Variants in FNBP1 observed in about 807,000 individuals in gnomAD.
The protein encoded by FNBP1 is formin-binding protein 1.
A neutral mutation model predicts 90.6 loss-of-function variants in FNBP1; 26 were observed. The observed-to-expected ratio is 0.29, with a 90% confidence interval of 0.21 to 0.40. FNBP1 has a LOEUF of 0.40. Ranked by LOEUF, FNBP1 falls within the 10% of genes least tolerant of loss-of-function variation. FNBP1 has a pLI of 1.00. For synonymous variants in FNBP1, 260 were observed against 265.2 expected, an observed-to-expected ratio of 0.98 and a Z score of 0.19; for missense variants, 635 against 768.0, an observed-to-expected ratio of 0.83 and a Z score of 2.05.
chr9:129,887,283 CCAGAGA>C lies in FNBP1; in HGVS notation c.*3250_*3255del, dbSNP rs1199650105. 1.0e-5 allele frequency: 2 copies of C among 192,678 alleles called. No homozygotes were observed. Among genetic ancestry groups the C allele is most frequent in the African/African-American group, 4.7e-5 (2 of 42,968 alleles). The allele number at this position is 192,678 out of a possible 1,614,324, so 11.9% of individuals were successfully genotyped here. A position where few individuals can be genotyped will look rare whatever the true frequency, so the allele number is the denominator to read the frequency against. On this transcript the variant is annotated 3_prime_UTR_variant, in exon 17 of 17. Transcript: ENST00000446176. ...CTCTTTATTTGGTTTAATTCCATCT[CCAGAGA>C]CAAACAGGCAACTCTAGGACCTTTA...
rs1186230302 is a variant in FNBP1 at position 129,887,213 on chromosome 9, A to T, written c.*3326T>A. On this transcript the variant is annotated 3_prime_UTR_variant, in exon 17 of 17. Coordinates refer to ENST00000446176, the MANE Select transcript of FNBP1 (RefSeq NM_015033.3). ...ACAAGTTATATTTTATTTTAACACG[A>T]GATTAACATATAGTTACAAGGTCAA... The T allele has an allele frequency of 1.7e-5, 3 of 180,554 alleles. No individual in the cohort carries two copies. The highest frequency in any genetic ancestry group is 3.6e-5 in the Non-Finnish European group (3 of 84,488). The allele number at this position is 180,554 out of a possible 1,614,324, so 11.2% of individuals were successfully genotyped here.
chr9:129,980,495 A>T (rs994682446), intron 2 of FNBP1, among the ~76,000 whole-genome samples: 1 of 152,090 alleles, frequency 6.6e-6, no homozygotes, highest in Non-Finnish European at 1.5e-5. Flanking sequence ...GGGGGTGTTG[A>T]TGCTAAGACA....
chr9:129,902,813 C>T (rs553505150), intron 13 of FNBP1, 56 bp downstream of exon 13: 15 of 1,591,344 alleles, frequency 9.4e-6, no homozygotes, highest in Admixed American at 3.4e-5. Context: ...CATTCTACAC[C>T]GAGGAACACC....
rs190139991 is a variant in FNBP1 at position 130,001,160 on chromosome 9, A to G, written c.25-6202T>C. On this transcript the variant is annotated intron_variant, in intron 1 of 16. Coordinates refer to ENST00000446176, the MANE Select transcript of FNBP1 (RefSeq NM_015033.3). ...AGCCTGGCCAACGTGGTGAAACCCC[A>G]TCTCTACTAAAAATACAAAAAATTA... Among the ~76,000 whole-genome samples, 716 of 152,024 alleles carry G rather than the reference A, an allele frequency of 4.7e-3. 2 individuals are homozygous for G. Among genetic ancestry groups the G allele is most frequent in the Non-Finnish European group, 6.9e-3 (471 of 67,968 alleles).
intron 12 of FNBP1, among the ~76,000 whole-genome samples, chr9:129,905,895 T>C (rs964263581): frequency 1.3e-5 from 2 of 152,072 alleles, no homozygotes; most frequent in East Asian, 3.9e-4. Flanking sequence ...TTTTTTGTTT[T>C]TTTTTGAGAC....
At chr9:129,902,355 T>C (rs1324285526) in intron 13 of FNBP1, among the ~76,000 whole-genome samples, 1 of 152,178 alleles carries the variant, frequency 6.6e-6, no homozygotes, top group East Asian at 1.9e-4. Context: ...CCCAGCACTC[T>C]GGGAGGCCAA....
intron 1 of FNBP1, among the ~76,000 whole-genome samples, chr9:130,020,051 A>G (rs10819588): frequency 0.11 from 16,593 of 152,232 alleles, 1,110 homozygotes; most frequent in South Asian, 0.15. Flanking sequence ...TGTGAATACT[A>G]AGAAGGAAAT....
At chr9:129,970,818 A>G (rs1454752763) in intron 4 of FNBP1, among the ~76,000 whole-genome samples, 1 of 152,186 alleles carries the variant, frequency 6.6e-6, no homozygotes, top group Non-Finnish European at 1.5e-5. Context: ...ATGTCAGGCA[A>G]GGAAGAACCT....
chr9:129,894,742 A>G (rs1015236469), intron 16 of FNBP1, among the ~76,000 whole-genome samples: 8 of 152,224 alleles, frequency 5.3e-5, no homozygotes, highest in South Asian at 2.1e-4. Context: ...AACTCCATCT[A>G]AACAGCACTA....
At chr9:129,969,161 T>A (rs1380667956) in intron 4 of FNBP1, among the ~76,000 whole-genome samples, 11 of 152,206 alleles carry the variant, frequency 7.2e-5, no homozygotes, top group Non-Finnish European at 4.4e-5. Context: ...ATTACCCACA[T>A]CTCAGATAAG....
chr9:130,052,078 GGCA>G, the FNBP1 span, among the ~76,000 whole-genome samples: 3 of 152,186 alleles, frequency 2.0e-5, no homozygotes, highest in African/African-American at 7.2e-5. Context: ...TAATTGTCAA[GGCA>G]GCAGTTTTCT....
chr9:129,992,368 T>TA (rs2053309442), intron 2 of FNBP1, among the ~76,000 whole-genome samples: 1 of 152,146 alleles, frequency 6.6e-6, no homozygotes, highest in Non-Finnish European at 1.5e-5. Flanking sequence ...ACGAGACTGA[T>TA]ATGCACACAG....
At chr9:129,910,497 A>AG (rs2039062175) in intron 11 of FNBP1, among the ~76,000 whole-genome samples, 1 of 147,404 alleles carries the variant, frequency 6.8e-6, no homozygotes, top group African/African-American at 2.5e-5. Flanking sequence ...AACAAAAAAA[A>AG]AAAAAAAAGA....
chr9:130,001,944 T>C lies in FNBP1; in HGVS notation c.25-6986A>G, dbSNP rs2054913258. Among the ~76,000 whole-genome samples, 3 of 149,560 alleles carry C rather than the reference T, an allele frequency of 2.0e-5. No homozygotes were observed. The South Asian group carries it at 6.3e-4, about 32-fold the overall frequency. On this transcript the variant is annotated intron_variant, in intron 1 of 16. Coordinates refer to ENST00000446176, the MANE Select transcript of FNBP1 (RefSeq NM_015033.3). ...TCAGGAGGCTGAGGCAGGAGAATCA[T>C]CTGAACCTTGGAGGCAGAGGTTGCA... is the stretch of plus-strand genomic sequence containing the variant.
In FNBP1 at chr9:129,890,518, G is replaced by A. The variant is rs1055285967; in HGVS notation, c.*21C>T. The stretch of plus-strand genomic sequence containing the variant: ...GAGGCTCCTCCAGGAAGGCTCACCC[G>A]AGGCTCGCAGGCACTCCCCTCTAGG... On this transcript the variant is annotated 3_prime_UTR_variant, in exon 17 of 17. Transcript: ENST00000446176. This position sits in a 1 kb window ranked among gnomAD's most constrained non-coding sequence, Gnocchi z 5.8. 6 of 1,582,600 alleles carry A rather than the reference G, an allele frequency of 3.8e-6. No homozygotes were observed. In the African/African-American group the frequency reaches 5.4e-5, roughly 14 times the overall value.
rs71499203 is a variant in FNBP1, at chr9:129,914,755, G to GTGTGTATATATA, written c.1185+1210_1185+1211insTATATATACACA. On this transcript the variant is annotated intron_variant, in intron 11 of 16. Transcript: ENST00000446176. ...AAAAATTATGTATATACATACATAT[G>GTGTGTATATATA]TCTATATATATATATATATATATAT... Among the ~76,000 whole-genome samples the GTGTGTATATATA allele has an allele frequency of 1.1e-3, 106 of 98,424 alleles. 2 individuals are homozygous for GTGTGTATATATA. The highest frequency in any genetic ancestry group is 1.7e-3 in the Non-Finnish European group (81 of 47,992). The allele number at this position is 98,424 out of a possible 152,430, so 64.6% of individuals were successfully genotyped here.
chr9:129,973,891 A>G (rs1588996781), intron 4 of FNBP1, among the ~76,000 whole-genome samples: 1 of 150,178 alleles, frequency 6.7e-6, no homozygotes. Flanking sequence ...GCTCACTGCA[A>G]CCTCCGCCTC....
At position 129,929,819 on chromosome 9, in the gene FNBP1, C is replaced by T. The variant is rs573672810; in HGVS notation, c.514-124G>A. On this transcript the variant is annotated intron_variant, in intron 6 of 16. Transcript: ENST00000446176. ...GGGCCAGATTTACCTCAAATGTATT[C>T]CGCGGGTGCTTTTTAATGTTCTGAA... 41 of 817,086 alleles carry T rather than the reference C, an allele frequency of 5.0e-5. 1 individual carries two copies. In the East Asian group the frequency reaches 1.1e-3, roughly 21 times the overall value. The allele number at this position is 817,086 out of a possible 1,614,324, so 50.6% of individuals were successfully genotyped here.
upstream of FNBP1, chr9:130,043,322 C>A (rs995775750): frequency 1.6e-5 from 3 of 187,338 alleles, no homozygotes. Flanking sequence ...CCGGGCTCCC[C>A]CGGCCGGGTC....
Sources: gnomAD v4.1 joint callset for allele counts (sites outside exome capture counted in the v4.1 genomes callset) on GRCh38, gnomAD v4.1.1 for gene constraint, Gnocchi (gnomAD v3.1) non-coding constraint, MANE v1.5 for transcripts, NCBI Gene and HGNC (gene_info 2026-07-23, HGNC 2026-07-21) for gene names.